The following ZNF891 variants were observed in gnomAD, a reference collection of about 807,000 sequenced individuals.
The protein encoded by ZNF891 is hCG1646157.
For missense variants in ZNF891, 589 were observed against 632.7 expected, an observed-to-expected ratio of 0.93 and a Z score of 0.74; for synonymous variants, 199 against 209.0, an observed-to-expected ratio of 0.95 and a Z score of 0.41.
Position 133,121,706 on chromosome 12 carries a change from C to G in ZNF891, c.213G>C (p.Val71=). 6.5e-7 allele frequency: 1 copy of G among 1,536,612 alleles called. No homozygotes were observed. ...DSAQRSLYRD[V]MLENYRNLTS... ...TGAGATTTCTATAGTTTTCCAACAT[C>G]ACATCTCTGTACAGACTTCTTTGAG... Residue 71 remains valine (V), a synonymous_variant, in exon 2 of 2, where the codon GTG becomes GTC. Coordinates refer to ENST00000537226, the MANE Select transcript of ZNF891 (RefSeq NM_001277291.2).
chr12:133,128,613 G>C (rs938923634), intron 1 of ZNF891, among the ~76,000 whole-genome samples: 1 of 151,806 alleles, frequency 6.6e-6, no homozygotes. Context: ...CCGCCTGGGC[G>C]AGAGAGAGAG....
Position 133,121,466 on chromosome 12 carries a change from T to C in ZNF891, c.453A>G (p.Thr151=), listed in dbSNP as rs1302459223. 1 of 1,536,068 alleles carries C rather than the reference T, an allele frequency of 6.5e-7. No individual in the cohort carries two copies. Among genetic ancestry groups the C allele is most frequent in the South Asian group, 1.2e-5 (1 of 84,068 alleles). ...TATGGCATTCCCAGTCTTCTCTTAA[T>C]GTGGAGGACCAATTATGCATTGTGA... The part of the protein sequence containing the change: ...IKLTMHNWSS[T]LREDWECHKI... Residue 151 remains threonine, a synonymous_variant, in exon 2 of 2, where the codon ACA becomes ACG. Transcript: ENST00000537226.
At chr12:133,127,718 G>A (rs1474756968) in intron 1 of ZNF891, among the ~76,000 whole-genome samples, 1 of 152,200 alleles carries the variant, frequency 6.6e-6, no homozygotes, top group African/African-American at 2.4e-5. Flanking sequence ...ATTGATGAGG[G>A]CAAAAGGGAA....
Position 133,106,388 on chromosome 12 carries a change from TC to T in ZNF891, c.*13895del, listed in dbSNP as rs1346222608. 6.2e-7 allele frequency: 1 copy of T among 1,614,018 alleles called. No homozygotes were observed. Among genetic ancestry groups the T allele is most frequent in the Non-Finnish European group, 8.5e-7 (1 of 1,180,022 alleles). On this transcript the variant is annotated 3_prime_UTR_variant, in exon 2 of 2. Transcript: ENST00000537226. ...TGGTAAAGTTTTCACTTGGCATGCATCCCTTATTCAACATACGAAGAGTCAC... is the reference window on the plus strand; with the variant it reads ...TGGTAAAGTTTTCACTTGGCATGCATCCTTATTCAACATACGAAGAGTCAC...
chr12:133,128,914 C>A lies in ZNF891; in HGVS notation c.-107+1313G>T, dbSNP rs373647742. Among the ~76,000 whole-genome samples the A allele has an allele frequency of 1.1e-4, 17 of 150,808 alleles. No individual in the cohort carries two copies. The East Asian group carries it at 2.3e-3, about 21-fold the overall frequency. ...AGACCAAAACAAAACAACAAAAAAA[C>A]CAAAACCAAATCTACATTTTTGAAA... On this transcript the variant is annotated intron_variant, in intron 1 of 1. Coordinates refer to ENST00000537226, the MANE Select transcript of ZNF891 (RefSeq NM_001277291.2).
At chr12:133,129,344 A>C (rs149639561) in intron 1 of ZNF891, among the ~76,000 whole-genome samples, 4,150 of 151,994 alleles carry the variant, frequency 0.027, 73 homozygotes, top group Non-Finnish European at 0.045. Flanking sequence ...TCCACTAAAA[A>C]TACAGAATTA....
At position 133,106,920 on chromosome 12, in the gene ZNF891, T is replaced by C. The variant is rs1313950758; in HGVS notation, c.*13364A>G. 7.3e-6 allele frequency: 2 copies of C among 273,068 alleles called. No individual in the cohort carries two copies. Among genetic ancestry groups the C allele is most frequent in the Non-Finnish European group, 1.4e-5 (2 of 144,752 alleles). The allele number at this position is 273,068 out of a possible 1,614,324, so 16.9% of individuals were successfully genotyped here. A position where few individuals can be genotyped will look rare whatever the true frequency, so the allele number is the denominator to read the frequency against. ...TTCCATCTGGTAATGTTGAGAAGACTTCATTTGGTAGGAGTCCCTTACTTT... is the reference window on the plus strand; with the variant it reads ...TTCCATCTGGTAATGTTGAGAAGACCTCATTTGGTAGGAGTCCCTTACTTT... On this transcript the variant is annotated 3_prime_UTR_variant, in exon 2 of 2. Transcript: ENST00000537226.
Position 133,120,790 on chromosome 12 carries a change from C to T in ZNF891, c.1129G>A (p.Glu377Lys). ...VRTHTGEKPY[E>K]CNQCGKAFSQ... ...AAAGCTTTTCCACATTGATTACATT[C>T]ATAGGGTTTCTCTCCAGTGTGAGTT... The change falls in exon 2 of 2, where the codon GAA (glutamate) becomes AAA (lysine). Residue 377 changes from glutamate to lysine, a missense_variant. Transcript: ENST00000537226. 6.4e-7 allele frequency: 1 copy of T among 1,570,324 alleles called. No homozygotes were observed. The highest frequency in any genetic ancestry group is 1.2e-5 in the South Asian group (1 of 85,866).
Position 133,106,321 on chromosome 12 carries a change from G to T in ZNF891, c.*13963C>A. 6.2e-7 allele frequency: 1 copy of T among 1,614,158 alleles called. No homozygotes were observed. The highest frequency in any genetic ancestry group is 1.1e-5 in the South Asian group (1 of 91,076). ...GTCACTCATTCCTTATTAAACATCA[G>T]AGAATTCATGCTGGAGAAAAGCTCT... On this transcript the variant is annotated 3_prime_UTR_variant, in exon 2 of 2. Coordinates refer to ENST00000537226, the MANE Select transcript of ZNF891 (RefSeq NM_001277291.2).
At position 133,120,330 on chromosome 12, in the gene ZNF891, G is replaced by T; in HGVS notation, c.1589C>A (p.Ser530Ter). 6.4e-7 allele frequency: 1 copy of T among 1,562,742 alleles called. No homozygotes were observed. Among genetic ancestry groups the T allele is most frequent in the Non-Finnish European group, 8.6e-7 (1 of 1,157,030 alleles). The change falls in exon 2 of 2, where the codon TCA (serine) becomes TAA (stop). Residue 530 changes from serine (S) to a stop codon, truncating the protein, a stop_gained. Coordinates refer to ENST00000537226, the MANE Select transcript of ZNF891 (RefSeq NM_001277291.2). LOFTEE classifies it low-confidence loss of function (END_TRUNC). The stretch of plus-strand genomic sequence containing the variant: ...ATGAATTCTCTTGTGTATAATAAGT[G>T]AAGAGCTCTGACTGAAGGCTTTTCC... Reference protein sequence around the residue: ...QCGKAFSQSSSLIIHKRIHTE... With the variant: ...QCGKAFSQSS
Position 133,105,020 on chromosome 12 carries a change from A to T in ZNF891, c.*15264T>A, listed in dbSNP as rs1483184021. 3.3e-5 allele frequency among the ~76,000 whole-genome samples: 5 copies of T among 152,322 alleles called. No homozygotes were observed. Among genetic ancestry groups the T allele is most frequent in the African/African-American group, 9.6e-5 (4 of 41,572 alleles). On this transcript the variant is annotated 3_prime_UTR_variant, in exon 2 of 2. Coordinates refer to ENST00000537226, the MANE Select transcript of ZNF891 (RefSeq NM_001277291.2). ...AATATGAGCTTCATACTAGTTCAGA[A>T]GGTAGAGTTGGAGGATCATAGGCAA...
At chr12:133,122,055 G>A (rs1955768415) in intron 1 of ZNF891, 31 bp from the exon 2 acceptor site, 4 of 1,405,888 alleles carry the variant, frequency 2.8e-6, no homozygotes, top group Non-Finnish European at 3.7e-6. Flanking sequence ...TCAGGTAAAA[G>A]AAGAAAGCTG....
At chr12:133,123,271 T>C (rs1448588883) in intron 1 of ZNF891, among the ~76,000 whole-genome samples, 1 of 152,244 alleles carries the variant, frequency 6.6e-6, no homozygotes, top group Non-Finnish European at 1.5e-5. Context: ...TTTTGTCTGA[T>C]TTGTTTACTG....
chr12:133,106,377 C>T lies in ZNF891; in HGVS notation c.*13907G>A, dbSNP rs766513108. 9.3e-6 allele frequency: 15 copies of T among 1,614,142 alleles called. No homozygotes were observed. Among genetic ancestry groups the T allele is most frequent in the South Asian group, 2.2e-5 (2 of 91,084 alleles). On this transcript the variant is annotated 3_prime_UTR_variant, in exon 2 of 2. Coordinates refer to ENST00000537226, the MANE Select transcript of ZNF891 (RefSeq NM_001277291.2). ...TGTGATGAATGTGGTAAAGTTTTCA[C>T]TTGGCATGCATCCCTTATTCAACAT... is the stretch of plus-strand genomic sequence containing the variant.
Position 133,117,745 on chromosome 12 carries a change from T to TA in ZNF891, c.*2538_*2539insT, listed in dbSNP as rs1955723419. The stretch of plus-strand genomic sequence containing the variant: ...CTACCCTTTCTCCTATTATTCAAAC[T>TA]TGTCTACATCCAGTCTTTACTTCTT... On this transcript the variant is annotated 3_prime_UTR_variant, in exon 2 of 2. Transcript: ENST00000537226. The TA allele has an allele frequency of 2.6e-5, 4 of 152,224 alleles. No individual in the cohort carries two copies. Among genetic ancestry groups the TA allele is most frequent in the Non-Finnish European group, 5.9e-5 (4 of 68,030 alleles). The allele number at this position is 152,224 out of a possible 1,614,324, so 9.4% of individuals were successfully genotyped here.
intron 1 of ZNF891, chr12:133,125,975 T>C: frequency 2.4e-6 from 1 of 414,798 alleles, no homozygotes; most frequent in Non-Finnish European, 4.7e-6. Context: ...TGGCTAATTC[T>C]AAATATGTAC....
chr12:133,127,290 C>T (rs1290169036), intron 1 of ZNF891, among the ~76,000 whole-genome samples: 1 of 151,852 alleles, frequency 6.6e-6, no homozygotes, highest in Admixed American at 6.6e-5. Flanking sequence ...CTTAAAAAAA[C>T]ACAGTATCTA....
rs1474017691 is a variant in ZNF891 at position 133,115,572 on chromosome 12, C to T, written c.*4712G>A. On this transcript the variant is annotated 3_prime_UTR_variant, in exon 2 of 2. Coordinates refer to ENST00000537226, the MANE Select transcript of ZNF891 (RefSeq NM_001277291.2). ...GCAGAAGTTATTTACATTGTTTTCT[C>T]CTATGCATGTATTAGTTTTATTATT... 2 of 151,892 alleles carry T rather than the reference C, an allele frequency of 1.3e-5. No homozygotes were observed. Among genetic ancestry groups the T allele is most frequent in the African/African-American group, 4.8e-5 (2 of 41,328 alleles). 9.4% of individuals were successfully genotyped at this position (151,892 alleles called of 1,614,324 possible). A position where few individuals can be genotyped will look rare whatever the true frequency, so the allele number is the denominator to read the frequency against.
Position 133,115,553 on chromosome 12 carries a change from G to A in ZNF891, c.*4731C>T, listed in dbSNP as rs934510088. The A allele has an allele frequency of 9.9e-5, 15 of 152,230 alleles. No individual in the cohort carries two copies. Among genetic ancestry groups the A allele is most frequent in the Admixed American group, 2.0e-4 (3 of 15,286 alleles). 9.4% of individuals were successfully genotyped at this position (152,230 alleles called of 1,614,324 possible). On this transcript the variant is annotated 3_prime_UTR_variant, in exon 2 of 2. Coordinates refer to ENST00000537226, the MANE Select transcript of ZNF891 (RefSeq NM_001277291.2). The stretch of plus-strand genomic sequence containing the variant: ...GGGTTTCCTTCTGTGTAGGGCAGAA[G>A]TTATTTACATTGTTTTCTCCTATGC...
Sources: allele counts gnomAD v4.1 joint callset (sites outside exome capture counted in the v4.1 genomes callset), GRCh38; gene constraint gnomAD v4.1.1; transcripts MANE v1.5; gene names NCBI Gene and HGNC (gene_info 2026-07-23, HGNC 2026-07-21).